Variants in CIB1 observed in about 807,000 individuals in gnomAD.
The protein encoded by CIB1 is calcium and integrin binding 1, also known as calcium and integrin-binding protein 1.
In CIB1, 19 loss-of-function variants were observed where a neutral mutation model predicts 25.0. The ratio of observed to expected loss-of-function variants is 0.76; its 90% confidence interval spans 0.53 to 1.12. CIB1 has a LOEUF of 1.12. Among genes scored for constraint, CIB1 ranks in the 50% most tolerant of loss-of-function variants. CIB1 has a pLI of 0.00. For missense variants in CIB1, 236 were observed against 242.6 expected (o/e 0.97, Z 0.18); for synonymous variants, 104 against 98.5 (o/e 1.06, Z -0.33).
chr15:90,252,262 C>T, the CIB1 span, among the ~76,000 whole-genome samples: 1 of 152,134 alleles, frequency 6.6e-6, no homozygotes, highest in Non-Finnish European at 1.5e-5. Flanking sequence ...GTCTTGAACT[C>T]CTGACCTCAG....
the CIB1 span, chr15:90,257,275 C>A: frequency 6.2e-7 from 1 of 1,611,516 alleles, no homozygotes; most frequent in Non-Finnish European, 8.5e-7. Context: ...CCAGCCATAA[C>A]AACCTGGTAA....
At position 90,231,351 on chromosome 15, in the gene CIB1, T is replaced by C. The variant is rs1962484950; in HGVS notation, c.346+6A>G. 1 of 1,613,682 alleles carries C rather than the reference T, an allele frequency of 6.2e-7. No homozygotes were observed. Among genetic ancestry groups the C allele is most frequent in the African/African-American group, 1.3e-5 (1 of 75,048 alleles). ...GGTGTCCTGCCGGGCTGCTCCTGGT[T>C]CTCACCAAAGATGCGGAAGGCATAA... On this transcript the variant is annotated splice_donor_region_variant and intron_variant, in intron 4 of 6. Transcript: ENST00000328649.
the CIB1 span, chr15:90,263,825 C>G: frequency 4.1e-6 from 3 of 734,282 alleles, no homozygotes; most frequent in African/African-American, 1.7e-5. Context: ...GGGGCTGCCA[C>G]AGAGCAGGGC....
intron 4 of CIB1, 65 bp from the exon 5 acceptor site, chr15:90,231,278 C>A: frequency 6.2e-7 from 1 of 1,606,938 alleles, no homozygotes; most frequent in East Asian, 2.2e-5. Context: ...CCCCAAACGG[C>A]GCCCATTTCC....
At chr15:90,256,573 CTTTCTTT>C in the CIB1 span, among the ~76,000 whole-genome samples, 4 of 56,358 alleles carry the variant, frequency 7.1e-5, no homozygotes, top group South Asian at 3.0e-3. Context: ...TTCTTTCTTT[CTTTCTTT>C]CTTTCTTTCT....
At chr15:90,262,879 A>C in the CIB1 span, 4 of 1,386,862 alleles carry the variant, frequency 2.9e-6, no homozygotes, top group Non-Finnish European at 3.8e-6. Context: ...ATGAGGGTAG[A>C]GTGGGCAGGA....
At chr15:90,263,687 G>C in the CIB1 span, 1 of 616,740 alleles carries the variant, frequency 1.6e-6, no homozygotes, top group Non-Finnish European at 2.9e-6. Context: ...TTCTTCCAAC[G>C]CTCCATCCAA....
the CIB1 span, chr15:90,241,232 C>T: frequency 1.9e-6 from 3 of 1,614,116 alleles, no homozygotes; most frequent in Non-Finnish European, 2.5e-6. Flanking sequence ...AGAGGAGGCC[C>T]CCGCAGACCA....
chr15:90,262,417 T>G, the CIB1 span: 29,109 of 1,391,700 alleles, frequency 0.021, 347 homozygotes, highest in Non-Finnish European at 0.023. Flanking sequence ...TGCTCTTTCC[T>G]CATCCCCATT....
At chr15:90,232,485 G>T in intron 2 of CIB1, 158 bp from the exon 3 acceptor site, 1 of 1,241,064 alleles carries the variant, frequency 8.1e-7, no homozygotes, top group Non-Finnish European at 1.1e-6. Context: ...AAAAGGACAT[G>T]TCACAAGGCA....
chr15:90,241,751 T>C, the CIB1 span: 4 of 1,614,228 alleles, frequency 2.5e-6, no homozygotes, highest in Non-Finnish European at 2.5e-6. Flanking sequence ...ATTATCTGAC[T>C]GACCATGAGA....
At chr15:90,263,594 GTCT>G in the CIB1 span, 1 of 577,076 alleles carries the variant, frequency 1.7e-6, no homozygotes, top group East Asian at 2.8e-5. Flanking sequence ...AACCTGTTGG[GTCT>G]TCTGTTTTTG....
At chr15:90,232,197 C>A in intron 3 of CIB1, 22 bp downstream of exon 3, 1 of 1,588,116 alleles carries the variant, frequency 6.3e-7, no homozygotes, top group South Asian at 1.1e-5. Flanking sequence ...GGAGAGGTGT[C>A]AAAGGAGGGG....
chr15:90,237,807 G>A (rs1962667721), upstream of CIB1, among the ~76,000 whole-genome samples: 1 of 151,762 alleles, frequency 6.6e-6, no homozygotes. Flanking sequence ...TACTACATTA[G>A]TCAGGCCTGG....
At chr15:90,251,370 C>T in the CIB1 span, among the ~76,000 whole-genome samples, 2 of 148,394 alleles carry the variant, frequency 1.3e-5, no homozygotes, top group African/African-American at 5.0e-5. Flanking sequence ...GTGATCCACC[C>T]GCCTCGGCCT....
At chr15:90,230,632 G>C in intron 6 of CIB1, 127 bp from the exon 7 acceptor site, 2 of 1,007,564 alleles carry the variant, frequency 2.0e-6, no homozygotes, top group South Asian at 1.4e-5. Flanking sequence ...AGCCCCCTCT[G>C]CAAGAACTCC....
chr15:90,241,085 T>G, the CIB1 span: 1 of 1,614,158 alleles, frequency 6.2e-7, no homozygotes, highest in Non-Finnish European at 8.5e-7. Context: ...AATCTCCCTT[T>G]GATGCTGCAC....
At chr15:90,246,787 C>CAAAAAAAAAAA in the CIB1 span, among the ~76,000 whole-genome samples, 34 of 45,244 alleles carry the variant, frequency 7.5e-4, 2 homozygotes, top group African/African-American at 9.1e-4. Context: ...GACTCTGTCT[C>CAAAAAAAAAAA]AAAAAAAAAA....
At chr15:90,230,858 G>A (rs947854661) in intron 6 of CIB1, 76 bp downstream of exon 6, 3 of 1,284,598 alleles carry the variant, frequency 2.3e-6, no homozygotes, top group African/African-American at 2.9e-5. Context: ...ACCACCTCCT[G>A]TAGCCATGCC....
Sources: allele counts gnomAD v4.1 joint callset (sites outside exome capture counted in the v4.1 genomes callset), GRCh38; gene constraint gnomAD v4.1.1; transcripts MANE v1.5; gene names NCBI Gene and HGNC (gene_info 2026-07-23, HGNC 2026-07-21).